The following TCEA1 variants were observed in gnomAD, a reference collection of about 807,000 sequenced individuals.
TCEA1 encodes the protein transcription elongation factor A protein 1.
In TCEA1, 21 loss-of-function variants were observed where a neutral mutation model predicts 43.8. The observed-to-expected ratio is 0.48, with a 90% confidence interval of 0.34 to 0.69. The LOEUF (loss-of-function observed/expected upper bound fraction) is 0.69. Ranked by LOEUF, TCEA1 falls within the 30% of genes least tolerant of loss-of-function variation. The pLI, the probability that TCEA1 is intolerant of heterozygous loss-of-function variation, is 0.01. For synonymous variants in TCEA1, 104 were observed against 117.5 expected, an observed-to-expected ratio of 0.88 and a Z score of 0.75; for missense variants, 250 against 365.1, an observed-to-expected ratio of 0.68 and a Z score of 2.57.
At chr8:53,998,962 C>T (rs367818389) in intron 3 of TCEA1, among the ~76,000 whole-genome samples, 10 of 152,250 alleles carry the variant, frequency 6.6e-5, no homozygotes, top group East Asian at 1.9e-4. Context: ...GGCGAGGTGG[C>T]TCACGCCTGT....
At position 54,020,514 on chromosome 8, in the gene TCEA1, CTT is replaced by C. The variant is rs1804986879; in HGVS notation, c.63+1547_63+1548del. Among the ~76,000 whole-genome samples the C allele has an allele frequency of 2.0e-5, 3 of 152,184 alleles. No individual in the cohort carries two copies. The South Asian group carries it at 6.2e-4, about 32-fold the overall frequency. ...AAGGGGAACAGAGGATGTTTGAAGT[CTT>C]ACGTATTTAGTGTTAACACTAATTC... On this transcript the variant is annotated intron_variant, in intron 1 of 9. Transcript: ENST00000521604.
chr8:54,001,304 T>C (rs967243808), intron 2 of TCEA1, among the ~76,000 whole-genome samples: 4 of 152,206 alleles, frequency 2.6e-5, no homozygotes, highest in South Asian at 2.1e-4. Context: ...GACACCCTAT[T>C]GTAAGCTTTA....
chr8:54,015,509 T>C lies in TCEA1; in HGVS notation c.64-5017A>G, dbSNP rs192338534. On this transcript the variant is annotated intron_variant, in intron 1 of 9. Coordinates refer to ENST00000521604, the MANE Select transcript of TCEA1 (RefSeq NM_006756.4). ...AAACAATGAATTATAGATATTTGAG[T>C]TGTAGCTCAATAACATCACTATAAA... Among the ~76,000 whole-genome samples, 611 of 152,228 alleles carry C rather than the reference T, an allele frequency of 4.0e-3. 1 individual carries two copies. The highest frequency in any genetic ancestry group is 6.7e-3 in the Non-Finnish European group (459 of 68,018).
intron 7 of TCEA1, among the ~76,000 whole-genome samples, chr8:53,981,579 G>T (rs1383179750): frequency 6.6e-6 from 1 of 152,114 alleles, no homozygotes; most frequent in African/African-American, 2.4e-5. Flanking sequence ...GAGACCTACT[G>T]CTCAGAAAAA....
intron 6 of TCEA1, 53 bp from the exon 7 acceptor site, chr8:53,984,570 T>C: frequency 6.9e-7 from 1 of 1,452,768 alleles, no homozygotes; most frequent in Non-Finnish European, 9.1e-7. Flanking sequence ...GATCACTTTT[T>C]TTTCCTGTTC....
At chr8:53,983,282 G>C (rs1430871887) in intron 7 of TCEA1, among the ~76,000 whole-genome samples, 1 of 144,414 alleles carries the variant, frequency 6.9e-6, no homozygotes, top group Non-Finnish European at 1.5e-5. Context: ...CAAAAAATTT[G>C]TGTGACTCGT....
chr8:54,009,773 T>C (rs1433484056), intron 2 of TCEA1: 5 of 152,258 alleles, frequency 3.3e-5, no homozygotes, highest in African/African-American at 9.6e-5. Context: ...AGGGTCACTA[T>C]AGTTAATAAA....
chr8:54,016,840 G>A (rs1804843562), intron 1 of TCEA1, among the ~76,000 whole-genome samples: 2 of 151,854 alleles, frequency 1.3e-5, no homozygotes, highest in Non-Finnish European at 2.9e-5. Context: ...CGGGTGTGGT[G>A]GTGCGCGCCT....
At chr8:53,987,168 TG>T in intron 5 of TCEA1, 143 bp from the exon 6 acceptor site, 1 of 715,932 alleles carries the variant, frequency 1.4e-6, no homozygotes, top group African/African-American at 1.8e-5. Flanking sequence ...CGTTAGAATC[TG>T]ATCACTTCAC....
chr8:54,000,187 T>C (rs1001058513), intron 2 of TCEA1, 137 bp from the exon 3 acceptor site: 3 of 575,008 alleles, frequency 5.2e-6, no homozygotes, highest in Non-Finnish European at 9.2e-6. Context: ...ATCCTTATAA[T>C]AGCAAATTAT....
intron 7 of TCEA1, among the ~76,000 whole-genome samples, chr8:53,981,448 T>TA (rs1313374429): frequency 6.6e-6 from 1 of 152,206 alleles, no homozygotes; most frequent in Non-Finnish European, 1.5e-5. Flanking sequence ...TGGAAAATCT[T>TA]ACAGCCCTTA....
At chr8:53,988,720 C>G (rs1349185388) in intron 4 of TCEA1, among the ~76,000 whole-genome samples, 1 of 151,972 alleles carries the variant, frequency 6.6e-6, no homozygotes, top group Non-Finnish European at 1.5e-5. Context: ...AGGTTCACAC[C>G]AGAGAATGAC....
intron 2 of TCEA1, among the ~76,000 whole-genome samples, chr8:54,001,484 G>A (rs902309552): frequency 6.6e-6 from 1 of 152,134 alleles, no homozygotes; most frequent in African/African-American, 2.4e-5. Context: ...ACAGCAGAAA[G>A]ATAAAGGGAC....
intron 9 of TCEA1, among the ~76,000 whole-genome samples, chr8:53,968,903 C>T (rs1461666447): frequency 6.6e-6 from 1 of 152,200 alleles, no homozygotes; most frequent in Admixed American, 6.5e-5. Flanking sequence ...ACAACTTCTG[C>T]AACCTGAGAT....
At chr8:53,972,442 G>A in intron 8 of TCEA1, 1 of 525,030 alleles carries the variant, frequency 1.9e-6, no homozygotes, top group Non-Finnish European at 3.7e-6. Flanking sequence ...GAAGAATCAA[G>A]TTTTGGGCAT....
chr8:53,995,265 A>C (rs1804014753), intron 3 of TCEA1, among the ~76,000 whole-genome samples: 1 of 150,276 alleles, frequency 6.7e-6, no homozygotes, highest in African/African-American at 2.5e-5. Flanking sequence ...ACTGCACTCC[A>C]GCCTGGGTGA....
intron 4 of TCEA1, among the ~76,000 whole-genome samples, chr8:53,990,061 T>A (rs1222570124): frequency 6.6e-6 from 1 of 152,098 alleles, no homozygotes; most frequent in Non-Finnish European, 1.5e-5. Context: ...TTGCCAAACA[T>A]GGTGGTATGC....
At chr8:53,970,980 TG>T (rs1803139717) in intron 8 of TCEA1, among the ~76,000 whole-genome samples, 1 of 152,152 alleles carries the variant, frequency 6.6e-6, no homozygotes, top group African/African-American at 2.4e-5. Context: ...ATTTCTAAGA[TG>T]GCAATTAAAA....
chr8:54,012,926 T>A (rs900264922), intron 1 of TCEA1, among the ~76,000 whole-genome samples: 1 of 130,848 alleles, frequency 7.6e-6, no homozygotes, highest in African/African-American at 3.0e-5. Context: ...AGAGTGAGAC[T>A]CCATTTCTAA....
Sources: gnomAD v4.1 joint callset for allele counts (sites outside exome capture counted in the v4.1 genomes callset) on GRCh38, gnomAD v4.1.1 for gene constraint, MANE v1.5 for transcripts, NCBI Gene and HGNC (gene_info 2026-07-23, HGNC 2026-07-21) for gene names.